Variants in CPA5 observed in about 807,000 individuals in gnomAD.
The protein encoded by CPA5 is carboxypeptidase A5.
In CPA5, 38 loss-of-function variants were observed where a neutral mutation model predicts 52.2. The observed-to-expected ratio is 0.73, with a 90% CI of 0.56 to 0.95. CPA5 has a LOEUF of 0.95. CPA5 is among the 40% of genes least tolerant of loss of function. The pLI is 0.00. For missense variants in CPA5, 519 were observed against 566.7 expected (o/e 0.92, Z 0.86); for synonymous variants, 198 against 213.7 (o/e 0.93, Z 0.64).
chr7:130,361,040 C>A, intron 6 of CPA5, 103 bp from the exon 7 acceptor site: 1 of 750,802 alleles, frequency 1.3e-6, no homozygotes, highest in Non-Finnish European at 2.3e-6. Flanking sequence ...ATACCCAAAG[C>A]ATTGAAGAGA....
intron 5 of CPA5, among the ~76,000 whole-genome samples, chr7:130,352,920 C>CT (rs1173834248): frequency 4.0e-5 from 6 of 151,386 alleles, no homozygotes; most frequent in African/African-American, 1.5e-4. Context: ...CTTTTAATGG[C>CT]TTTTTTTCTG....
At chr7:130,370,345 A>G (rs200991338), downstream of CPA5, among the ~76,000 whole-genome samples, 1 of 143,854 alleles carries the variant, frequency 7.0e-6, no homozygotes, top group Non-Finnish European at 1.5e-5. Context: ...TTTTTTTTTT[A>G]AAGCTGGAAT....
rs531288892 is a variant in CPA5 at position 130,360,355 on chromosome 7, G to C, written c.432+668G>C. ...GAAGCCAGGCACATTGGACAGCCAT[G>C]TTTGTAGAATAAAAGGGAGGTGCCT... On this transcript the variant is annotated intron_variant, in intron 6 of 12. Transcript: ENST00000474905. Among the ~76,000 whole-genome samples the C allele has an allele frequency of 3.0e-3, 459 of 152,382 alleles. 4 individuals are homozygous for C. The highest frequency in any genetic ancestry group is 0.01 in the African/African-American group (433 of 41,596).
In CPA5 at chr7:130,368,548, G is replaced by A. The variant is rs782278033; in HGVS notation, c.1262G>A (p.Trp421Ter). The A allele has an allele frequency of 2.5e-6, 4 of 1,613,902 alleles. No homozygotes were observed. The African/African-American group carries it at 5.3e-5, about 22-fold the overall frequency. ...TQIIPTAQETWMALRTIMEHT... is the reference protein window; with the variant it reads ...TQIIPTAQET ...ATCATCCCCACGGCCCAGGAGACGTGGATGGCGCTTCGGACCATCATGGAG... is the reference window on the plus strand; with the variant it reads ...ATCATCCCCACGGCCCAGGAGACGTAGATGGCGCTTCGGACCATCATGGAG... The change falls in exon 13 of 13, where the codon TGG (tryptophan) becomes TAG (stop). Residue 421 changes from tryptophan to a stop codon, truncating the protein, a stop_gained. Transcript: ENST00000474905. LOFTEE classifies it high-confidence loss of function.
intron 5 of CPA5, among the ~76,000 whole-genome samples, chr7:130,357,738 C>T (rs540507253): frequency 1.3e-5 from 2 of 151,998 alleles, no homozygotes; most frequent in Admixed American, 6.5e-5. Context: ...GCAGGCATTG[C>T]GAATATTTTG....
chr7:130,362,739 A>T (rs1225796179), intron 8 of CPA5, 145 bp from the exon 9 acceptor site: 20 of 645,514 alleles, frequency 3.1e-5, no homozygotes, highest in Non-Finnish European at 4.1e-5. Flanking sequence ...AGTTGTTTAA[A>T]ATCCAAGCCT....
At chr7:130,370,179 TG>T (rs1433856038), downstream of CPA5, among the ~76,000 whole-genome samples, 11 of 152,234 alleles carry the variant, frequency 7.2e-5, no homozygotes, top group Admixed American at 3.9e-4. Flanking sequence ...GGGCATTGGC[TG>T]GGCATGCAGA....
At chr7:130,351,980 G>C (rs761039952) in intron 5 of CPA5, among the ~76,000 whole-genome samples, 1 of 152,042 alleles carries the variant, frequency 6.6e-6, no homozygotes. Context: ...TCAGCTCCAC[G>C]CTCCGTGTCA....
rs782307583 is a variant in CPA5, at chr7:130,359,642, C to T, written c.387C>T (p.Arg129=). ...QAMAKSRRLE[R]STNSFSYSSY... ...TGGCGAAATCCCGCCGGCTGGAGCG[C>T]AGCACCAACAGCTTCAGTTACTCAT... The change falls in exon 6 of 13, where the codon CGC becomes CGT. Residue 129 remains arginine, a synonymous_variant. Transcript: ENST00000474905. The T allele has an allele frequency of 4.4e-6, 7 of 1,585,008 alleles. No individual in the cohort carries two copies. The highest frequency in any genetic ancestry group is 6.0e-6 in the Non-Finnish European group (7 of 1,165,640).
At position 130,368,695 on chromosome 7, in the gene CPA5, C is replaced by A; in HGVS notation, c.*98C>A. ...CATCCCCATCCCCATGCCCTCATCC[C>A]GACCTCTTAGAAAATAAATACAAGT... On this transcript the variant is annotated 3_prime_UTR_variant, in exon 13 of 13. Coordinates refer to ENST00000474905, the MANE Select transcript of CPA5 (RefSeq NM_080385.5). 8.0e-7 allele frequency: 1 copy of A among 1,245,268 alleles called. No individual in the cohort carries two copies. The highest frequency in any genetic ancestry group is 1.1e-6 in the Non-Finnish European group (1 of 875,856). 77.1% of individuals were successfully genotyped at this position (1,245,268 alleles called of 1,614,324 possible). A position where few individuals can be genotyped will look rare whatever the true frequency, so the allele number is the denominator to read the frequency against.
intron 10 of CPA5, among the ~76,000 whole-genome samples, chr7:130,364,080 T>C (rs1281753480): frequency 2.0e-5 from 3 of 152,096 alleles, no homozygotes; most frequent in Non-Finnish European, 4.4e-5. Flanking sequence ...CAGGCTGGAG[T>C]GCAGTGGTGT....
chr7:130,363,120 G>T, intron 9 of CPA5, 126 bp downstream of exon 9: 1 of 641,170 alleles, frequency 1.6e-6, no homozygotes. Context: ...GGGCAGGAGG[G>T]CTGCTCAGGT....
intron 8 of CPA5, 42 bp from the exon 9 acceptor site, chr7:130,362,842 G>T: frequency 7.5e-7 from 1 of 1,332,740 alleles, no homozygotes. Flanking sequence ...CCTCCCAGGA[G>T]ACCCAGTAGG....
At chr7:130,356,185 G>A (rs1259621810) in intron 5 of CPA5, among the ~76,000 whole-genome samples, 2 of 75,968 alleles carry the variant, frequency 2.6e-5, no homozygotes, top group Non-Finnish European at 5.4e-5. Context: ...GAGTTCGGCT[G>A]TGAGAGATCT....
chr7:130,347,951 G>T (rs1029247715), intron 4 of CPA5, 104 bp downstream of exon 4: 11 of 851,366 alleles, frequency 1.3e-5, no homozygotes, highest in Non-Finnish European at 1.9e-5. Flanking sequence ...CCCTCCTGAG[G>T]TCCCTGCAAA....
At position 130,368,717 on chromosome 7, in the gene CPA5, A is replaced by C; in HGVS notation, c.*120A>C. The C allele has an allele frequency of 9.6e-7, 1 of 1,046,068 alleles. No individual in the cohort carries two copies. The allele number at this position is 1,046,068 out of a possible 1,614,324, so 64.8% of individuals were successfully genotyped here. ...TCCCGACCTCTTAGAAAATAAATAC[A>C]AGTTTGAACAGGCTTCGCTGCCTCT... On this transcript the variant is annotated 3_prime_UTR_variant, in exon 13 of 13. Coordinates refer to ENST00000474905, the MANE Select transcript of CPA5 (RefSeq NM_080385.5).
chr7:130,356,157 A>G (rs1054797283), intron 5 of CPA5, among the ~76,000 whole-genome samples: 1 of 150,514 alleles, frequency 6.6e-6, no homozygotes, highest in Non-Finnish European at 1.5e-5. Context: ...AGCTGCGTCC[A>G]TTTTGCATCT....
At chr7:130,366,653 C>T (rs545650347) in intron 10 of CPA5, among the ~76,000 whole-genome samples, 3 of 152,322 alleles carry the variant, frequency 2.0e-5, no homozygotes, top group East Asian at 1.9e-4. Flanking sequence ...ACTATTCTCC[C>T]GTATTGGTTT....
At chr7:130,353,702 GC>G (rs1795314328) in intron 5 of CPA5, among the ~76,000 whole-genome samples, 1 of 152,184 alleles carries the variant, frequency 6.6e-6, no homozygotes. Context: ...ACCCCCGAGG[GC>G]CCATGCGCCA....
Sources: gnomAD v4.1 joint callset for allele counts (sites outside exome capture counted in the v4.1 genomes callset) on GRCh38, gnomAD v4.1.1 for gene constraint, MANE v1.5 for transcripts, NCBI Gene and HGNC (gene_info 2026-07-23, HGNC 2026-07-21) for gene names.